LAPTM4B: variants seen among roughly 807,000 people sequenced by gnomAD.
LAPTM4B encodes lysosomal-associated transmembrane protein 4B.
A neutral mutation model predicts 28.5 loss-of-function variants in LAPTM4B; 26 were observed. The observed-to-expected ratio is 0.91, with a 90% CI of 0.67 to 1.27. The LOEUF (loss-of-function observed/expected upper bound fraction) is 1.27, where lower values mean the gene tolerates loss of function less well. Among genes scored for constraint, LAPTM4B ranks in the 50% most tolerant of loss-of-function variants. LAPTM4B has a pLI of 0.00. For missense variants in LAPTM4B, 288 were observed against 285.8 expected (o/e 1.01, Z -0.06); for synonymous variants, 109 against 106.4 (o/e 1.02, Z -0.15).
chr8:97,789,036 CTCTTTATTTATTTA>C (rs1816453862), intron 1 of LAPTM4B, among the ~76,000 whole-genome samples: 1 of 138,312 alleles, frequency 7.2e-6, no homozygotes, highest in Non-Finnish European at 1.5e-5. Context: ...TTGGTGCTCA[CTCTTTATTTATTTA>C]TTTATTTATT....
At chr8:97,816,016 T>C in intron 3 of LAPTM4B, 42 bp from the exon 4 acceptor site, 2 of 1,476,326 alleles carry the variant, frequency 1.4e-6, no homozygotes, top group Non-Finnish European at 1.8e-6. Flanking sequence ...TATTGTTTTA[T>C]AATATTGAAC....
chr8:97,785,371 T>C (rs1158517636), intron 1 of LAPTM4B, among the ~76,000 whole-genome samples: 2 of 152,166 alleles, frequency 1.3e-5, no homozygotes, highest in African/African-American at 4.8e-5. Flanking sequence ...TATCACACTT[T>C]TATGGTAAAT....
chr8:97,814,966 A>G (rs1816883988), intron 2 of LAPTM4B, among the ~76,000 whole-genome samples: 1 of 152,216 alleles, frequency 6.6e-6, no homozygotes, highest in African/African-American at 2.4e-5. Context: ...TGTTGGGATT[A>G]TAGGTGTGAG....
chr8:97,788,332 C>A, intron 1 of LAPTM4B: 1 of 359,050 alleles, frequency 2.8e-6, no homozygotes, highest in Admixed American at 3.0e-5. Context: ...GGCCAGGAAA[C>A]AATCCTGAAA....
At chr8:97,800,400 C>T (rs572935661) in intron 1 of LAPTM4B, among the ~76,000 whole-genome samples, 27 of 151,216 alleles carry the variant, frequency 1.8e-4, no homozygotes, top group African/African-American at 2.4e-4. Context: ...TGCCAGTCAC[C>T]GGTCTAGGTA....
chr8:97,830,789 A>G (rs556324602), intron 6 of LAPTM4B, among the ~76,000 whole-genome samples: 92 of 152,260 alleles, frequency 6.0e-4, no homozygotes, highest in African/African-American at 1.9e-3. Context: ...AGTTCTTAAC[A>G]AGAACTGACC....
At chr8:97,816,032 A>T (rs1266685263) in intron 3 of LAPTM4B, 26 bp from the exon 4 acceptor site, 27 of 1,515,254 alleles carry the variant, frequency 1.8e-5, no homozygotes, top group Non-Finnish European at 2.2e-5. Context: ...TGAACACATT[A>T]ACTTTCTATT....
intron 3 of LAPTM4B, 95 bp from the exon 4 acceptor site, chr8:97,815,963 C>T: frequency 8.1e-7 from 1 of 1,236,580 alleles, no homozygotes. Context: ...CCAATTTTTC[C>T]ATTTCCTTTC....
At chr8:97,809,780 A>T (rs16896248) in intron 2 of LAPTM4B, among the ~76,000 whole-genome samples, 1 of 151,960 alleles carries the variant, frequency 6.6e-6, no homozygotes, top group Admixed American at 6.6e-5. Flanking sequence ...TGAAGATTTC[A>T]TCCAGCCAGA....
intron 1 of LAPTM4B, among the ~76,000 whole-genome samples, chr8:97,784,267 T>A (rs1382420718): frequency 6.6e-6 from 1 of 152,174 alleles, no homozygotes; most frequent in Non-Finnish European, 1.5e-5. Flanking sequence ...ACGGACTGAT[T>A]TGTGGCAATT....
intron 6 of LAPTM4B, among the ~76,000 whole-genome samples, chr8:97,844,801 C>T (rs1040349429): frequency 6.6e-6 from 1 of 152,118 alleles, no homozygotes; most frequent in African/African-American, 2.4e-5. Flanking sequence ...CTGGGAAGGC[C>T]GAAGGAATGG....
intron 6 of LAPTM4B, among the ~76,000 whole-genome samples, chr8:97,843,448 A>G (rs1817382000): frequency 6.6e-6 from 1 of 152,156 alleles, no homozygotes. Flanking sequence ...CAAAAACCCA[A>G]AACTTATATT....
At chr8:97,805,233 GCCA>G (rs1490523770) in intron 1 of LAPTM4B, 117 bp from the exon 2 acceptor site, 1 of 617,706 alleles carries the variant, frequency 1.6e-6, no homozygotes, top group East Asian at 2.7e-5. Flanking sequence ...TGAGAGTCAA[GCCA>G]CTGAAGAAGT....
At chr8:97,838,085 G>A (rs544157874) in intron 6 of LAPTM4B, among the ~76,000 whole-genome samples, 32 of 152,316 alleles carry the variant, frequency 2.1e-4, no homozygotes, top group Admixed American at 1.6e-3. Flanking sequence ...TGAAGGTCTG[G>A]CCCAGGGCAG....
chr8:97,851,059 C>G (rs1353803083), intron 6 of LAPTM4B, among the ~76,000 whole-genome samples: 1 of 151,998 alleles, frequency 6.6e-6, no homozygotes, highest in African/African-American at 2.4e-5. Flanking sequence ...TGTAGTCAAT[C>G]AAGTGCCTGC....
chr8:97,832,702 T>TTTTTATTTTTA (rs1817201506), intron 6 of LAPTM4B, among the ~76,000 whole-genome samples: 3 of 67,962 alleles, frequency 4.4e-5, no homozygotes, highest in Admixed American at 1.7e-4. Context: ...TTTTATTTTA[T>TTTTTATTTTTA]TTTTATTTTA....
At chr8:97,779,867 G>A (rs1268703574) in intron 1 of LAPTM4B, among the ~76,000 whole-genome samples, 1 of 151,442 alleles carries the variant, frequency 6.6e-6, no homozygotes, top group East Asian at 1.9e-4. Context: ...GTCTGGCCAA[G>A]GTGGTGAAAC....
intron 6 of LAPTM4B, among the ~76,000 whole-genome samples, chr8:97,837,293 C>T (rs766695968): frequency 4.6e-5 from 7 of 150,564 alleles, no homozygotes; most frequent in Non-Finnish European, 7.4e-5. Flanking sequence ...CCCAGGTTCA[C>T]GTTATTCTCC....
rs142872919 is a variant in LAPTM4B, at chr8:97,800,074, A to G, written c.100-5279A>G. ...GAGCTCTTGTCACATTCATTGCTTTATGCTTTTTGTTTTTTGGGTACATGA... is the reference window on the plus strand; with the variant it reads ...GAGCTCTTGTCACATTCATTGCTTTGTGCTTTTTGTTTTTTGGGTACATGA... On this transcript the variant is annotated intron_variant, in intron 1 of 6. Transcript: ENST00000521545. Among the ~76,000 whole-genome samples, 365 of 152,076 alleles carry G rather than the reference A, an allele frequency of 2.4e-3. 2 individuals are homozygous for G. The highest frequency in any genetic ancestry group is 4.1e-3 in the Non-Finnish European group (280 of 67,992).
Sources: gnomAD v4.1 joint callset for allele counts (sites outside exome capture counted in the v4.1 genomes callset) on GRCh38, gnomAD v4.1.1 for gene constraint, MANE v1.5 for transcripts, NCBI Gene and HGNC (gene_info 2026-07-23, HGNC 2026-07-21) for gene names.